ARHGEF17: variants seen among roughly 807,000 people sequenced by gnomAD.
ARHGEF17 encodes 164 kDa Rho-specific guanine-nucleotide exchange factor.
In ARHGEF17, 80 loss-of-function variants were observed where a neutral mutation model predicts 174.0. The observed-to-expected ratio is 0.46, with a 90% CI of 0.38 to 0.55. ARHGEF17 has a LOEUF of 0.55. Ranked by LOEUF, ARHGEF17 falls within the 20% of genes least tolerant of loss-of-function variation. The pLI is 0.00. For missense variants in ARHGEF17, 2,886 were observed against 2,839.7 expected (o/e 1.02, Z -0.37); for synonymous variants, 1,311 against 1,189.1 (o/e 1.10, Z -2.11).
Position 73,355,913 on chromosome 11 carries a change from A to G in ARHGEF17, c.3623A>G (p.Lys1208Arg). 1 of 1,614,200 alleles carries G rather than the reference A, an allele frequency of 6.2e-7. No individual in the cohort carries two copies. Among genetic ancestry groups the G allele is most frequent in the Non-Finnish European group, 8.5e-7 (1 of 1,180,032 alleles). The change falls in exon 5 of 21, where the codon AAG (lysine) becomes AGG (arginine). Residue 1208 changes from lysine (K) to arginine (R), a missense_variant. Around this residue, in one of 4 missense-constraint regions of ARHGEF17, gnomAD observed 353 missense variants for 470.3 expected, o/e 0.75. Coordinates refer to ENST00000263674, the MANE Select transcript of ARHGEF17 (RefSeq NM_014786.4). ...EKQALSDLMI[K>R]PVQRIPRYEL... ...CAGGCGCTGTCTGACCTCATGATCAAGCCTGTGCAGCGGATCCCACGCTAC... is the reference window on the plus strand; with the variant it reads ...CAGGCGCTGTCTGACCTCATGATCAGGCCTGTGCAGCGGATCCCACGCTAC...
intron 12 of ARHGEF17, 22 bp downstream of exon 12, chr11:73,361,183 T>G (rs778199960): frequency 6.2e-7 from 1 of 1,612,078 alleles, no homozygotes; most frequent in Non-Finnish European, 8.5e-7. Flanking sequence ...TCTGGGTCAC[T>G]TGGGTACATG....
chr11:73,354,731 AG>A (rs924167176), intron 3 of ARHGEF17, among the ~76,000 whole-genome samples: 4 of 150,314 alleles, frequency 2.7e-5, no homozygotes, highest in Admixed American at 6.6e-5. Flanking sequence ...AAAAAAAAAA[AG>A]ACAGGACTCT....
chr11:73,338,444 C>T (rs1865319605), intron 1 of ARHGEF17, among the ~76,000 whole-genome samples: 1 of 152,154 alleles, frequency 6.6e-6, no homozygotes, highest in Admixed American at 6.5e-5. Flanking sequence ...ATGGATAGCC[C>T]ATTAGGTTGG....
At chr11:73,339,899 GC>G (rs2134406364) in intron 1 of ARHGEF17, among the ~76,000 whole-genome samples, 1 of 152,186 alleles carries the variant, frequency 6.6e-6, no homozygotes, top group African/African-American at 2.4e-5. Context: ...GGAGAGGAGG[GC>G]TGGGTAGGCC....
chr11:73,363,560 A>T (rs566267119), intron 15 of ARHGEF17, 105 bp downstream of exon 15: 25 of 1,520,378 alleles, frequency 1.6e-5, no homozygotes, highest in Non-Finnish European at 2.1e-5. Flanking sequence ...TTTGGGTCAC[A>T]CCTCAGGGGT....
intron 1 of ARHGEF17, among the ~76,000 whole-genome samples, chr11:73,313,348 T>A (rs770171798): frequency 6.6e-6 from 1 of 152,152 alleles, no homozygotes; most frequent in Non-Finnish European, 1.5e-5. Flanking sequence ...CCAGTTCTTG[T>A]CAGGGGTCTC....
rs535249661 is a variant in ARHGEF17, at chr11:73,357,302, G to T, written c.4062G>T (p.Pro1354=). The change falls in exon 9 of 21, where the codon CCG becomes CCT. Residue 1354 remains proline, a synonymous_variant. Coordinates refer to ENST00000263674, the MANE Select transcript of ARHGEF17 (RefSeq NM_014786.4). The part of the protein sequence containing the change: ...ASKYKMLWKL[P]LEDADIIKGA... Reference sequence around the variant, plus strand: ...AGTACAAGATGCTGTGGAAGCTGCCGCTGGAAGACGCAGACATCATCAAAG... The same window carrying T: ...AGTACAAGATGCTGTGGAAGCTGCCTCTGGAAGACGCAGACATCATCAAAG... 3.7e-6 allele frequency: 6 copies of T among 1,613,878 alleles called. No individual in the cohort carries two copies. In the Admixed American group the frequency reaches 8.3e-5, roughly 22 times the overall value.
chr11:73,326,715 C>T (rs1000552174), intron 1 of ARHGEF17, among the ~76,000 whole-genome samples: 8 of 151,716 alleles, frequency 5.3e-5, no homozygotes, highest in Non-Finnish European at 1.0e-4. Flanking sequence ...AGTGAAACTC[C>T]GTCTCAAAAA....
At position 73,311,017 on chromosome 11, in the gene ARHGEF17, C is replaced by T; in HGVS notation, c.2379C>T (p.Ser793=). The change falls in exon 1 of 21, where the codon AGC becomes AGT. Residue 793 remains serine (S), a synonymous_variant. Transcript: ENST00000263674. ...HSDWSVGSEE[S]KGYQEVIQSI... ...ACTGGTCTGTGGGCAGTGAAGAGAGCAAGGGATATCAGGAGGTTATTCAGA... is the reference window on the plus strand; with the variant it reads ...ACTGGTCTGTGGGCAGTGAAGAGAGTAAGGGATATCAGGAGGTTATTCAGA... 6.2e-7 allele frequency: 1 copy of T among 1,614,156 alleles called. No individual in the cohort carries two copies. The highest frequency in any genetic ancestry group is 8.5e-7 in the Non-Finnish European group (1 of 1,180,022).
chr11:73,335,150 C>T (rs1865266169), intron 1 of ARHGEF17, among the ~76,000 whole-genome samples: 1 of 152,120 alleles, frequency 6.6e-6, no homozygotes, highest in Non-Finnish European at 1.5e-5. Context: ...TCCTGGGAGC[C>T]CTAAAGCAGG....
At position 73,333,372 on chromosome 11, in the gene ARHGEF17, G is replaced by A. The variant is rs113676062; in HGVS notation, c.3193-13511G>A. Among the ~76,000 whole-genome samples, 980 of 152,340 alleles carry A rather than the reference G, an allele frequency of 6.4e-3. 9 individuals are homozygous for A. The highest frequency in any genetic ancestry group is 0.027 in the Middle Eastern group (8 of 294). ...ACTGCGCACACTTGTGCACATGCAC[G>A]CGCGCGCGCACTCACACGTAACTAT... On this transcript the variant is annotated intron_variant, in intron 1 of 20. Transcript: ENST00000263674.
In ARHGEF17 at chr11:73,310,189, T is replaced by C; in HGVS notation, c.1551T>C (p.Leu517=). 1 of 1,613,836 alleles carries C rather than the reference T, an allele frequency of 6.2e-7. No homozygotes were observed. The highest frequency in any genetic ancestry group is 8.5e-7 in the Non-Finnish European group (1 of 1,180,008). Residue 517 remains leucine (L), a synonymous_variant, in exon 1 of 21, where the codon CTT becomes CTC. Coordinates refer to ENST00000263674, the MANE Select transcript of ARHGEF17 (RefSeq NM_014786.4). ...CCGCAGGTGGCCCTGTGGGGCAACT[T>C]GAACCCATACCCATCCCAGCCCCAG... is the stretch of plus-strand genomic sequence containing the variant. ...SPSAGGPVGQ[L]EPIPIPAPAS...
chr11:73,352,794 C>T (rs1364131483), intron 2 of ARHGEF17, 36 bp from the exon 3 acceptor site: 1 of 1,609,996 alleles, frequency 6.2e-7, no homozygotes, highest in African/African-American at 1.3e-5. Flanking sequence ...GGCGGCATCT[C>T]TGAGGGAGTG....
At chr11:73,366,763 G>A (rs897434272) in intron 20 of ARHGEF17, among the ~76,000 whole-genome samples, 1 of 152,074 alleles carries the variant, frequency 6.6e-6, no homozygotes, top group Non-Finnish European at 1.5e-5. Context: ...AATATGGCCG[G>A]GCGTGGTGGC....
At chr11:73,367,335 G>T (rs1241747912) in intron 20 of ARHGEF17, among the ~76,000 whole-genome samples, 1 of 152,218 alleles carries the variant, frequency 6.6e-6, no homozygotes, top group Non-Finnish European at 1.5e-5. Context: ...AAAAAAATCA[G>T]AAGTGGCGTC....
intron 1 of ARHGEF17, among the ~76,000 whole-genome samples, chr11:73,320,264 A>C (rs1461371974): frequency 6.6e-6 from 1 of 152,124 alleles, no homozygotes; most frequent in Admixed American, 6.5e-5. Flanking sequence ...GACCCAGGCA[A>C]GCACTTACCT....
Position 73,356,297 on chromosome 11 carries a change from G to A in ARHGEF17, c.3786G>A (p.Glu1262=). 6.2e-7 allele frequency: 1 copy of A among 1,613,474 alleles called. No individual in the cohort carries two copies. Among genetic ancestry groups the A allele is most frequent in the South Asian group, 1.1e-5 (1 of 91,082 alleles). Residue 1262 remains glutamate (E), a synonymous_variant, in exon 6 of 21, where the codon GAG becomes GAA. Coordinates refer to ENST00000263674, the MANE Select transcript of ARHGEF17 (RefSeq NM_014786.4). Reference sequence around the variant, plus strand: ...GTGTGCGGAGTGCCGAGGAGGCGGAGCGCCATGCCCGTGTGCTGCAGGAGA... The same window carrying A: ...GTGTGCGGAGTGCCGAGGAGGCGGAACGCCATGCCCGTGTGCTGCAGGAGA... ...NKGVRSAEEA[E]RHARVLQEIE...
At chr11:73,351,986 T>C (rs529324535) in intron 2 of ARHGEF17, among the ~76,000 whole-genome samples, 17 of 152,326 alleles carry the variant, frequency 1.1e-4, no homozygotes, top group African/African-American at 4.1e-4. Flanking sequence ...CATTCTATAA[T>C]TGGTAGCATA....
chr11:73,309,609 C>T lies in ARHGEF17; in HGVS notation c.971C>T (p.Ser324Phe). The T allele has an allele frequency of 6.2e-7, 1 of 1,613,056 alleles. No individual in the cohort carries two copies. Among genetic ancestry groups the T allele is most frequent in the South Asian group, 1.1e-5 (1 of 91,086 alleles). ...NLSSMNSAGV[S>F]GSPEPPTSPR... ...AGCAGCATGAACTCAGCAGGGGTTT[C>T]TGGGAGCCCTGAGCCCCCAACATCT... is the stretch of plus-strand genomic sequence containing the variant. Residue 324 changes from serine (S) to phenylalanine (F), a missense_variant, in exon 1 of 21, where the codon TCT becomes TTT. By Grantham distance (155) the Ser-to-Phe change is radical. Coordinates refer to ENST00000263674, the MANE Select transcript of ARHGEF17 (RefSeq NM_014786.4).
Sources: allele counts gnomAD v4.1 joint callset (sites outside exome capture counted in the v4.1 genomes callset), GRCh38; gene constraint gnomAD v4.1.1; regional missense constraint gnomAD v4.1.1; transcripts MANE v1.5; gene names NCBI Gene and HGNC (gene_info 2026-07-23, HGNC 2026-07-21).